Variants in CSNK2A2IP observed in about 807,000 individuals in gnomAD.
The protein encoded by CSNK2A2IP is casein kinase 2 subunit alpha' interacting protein.
the CSNK2A2IP span, among the ~76,000 whole-genome samples, chr3:88,430,055 C>A: frequency 6.6e-6 from 1 of 152,034 alleles, no homozygotes; most frequent in Non-Finnish European, 1.5e-5. Flanking sequence ...GCCACTGCGC[C>A]CGGCCGAGTA....
At chr3:88,397,019 G>T in the CSNK2A2IP span, among the ~76,000 whole-genome samples, 1 of 152,248 alleles carries the variant, frequency 6.6e-6, no homozygotes, top group East Asian at 1.9e-4. Flanking sequence ...TGTGCCAAAC[G>T]TATGACAGTG....
the CSNK2A2IP span, among the ~76,000 whole-genome samples, chr3:88,377,422 A>G: frequency 6.6e-6 from 1 of 151,638 alleles, no homozygotes; most frequent in Non-Finnish European, 1.5e-5. Flanking sequence ...CTGCTTCTCT[A>G]CATTTCTATC....
At chr3:88,432,253 C>T in the CSNK2A2IP span, among the ~76,000 whole-genome samples, 1 of 151,842 alleles carries the variant, frequency 6.6e-6, no homozygotes, top group South Asian at 2.1e-4. Flanking sequence ...TTTTAGGAAA[C>T]AATTTTAATT....
chr3:88,442,574 A>G, the CSNK2A2IP span, among the ~76,000 whole-genome samples: 1 of 152,122 alleles, frequency 6.6e-6, no homozygotes, highest in Non-Finnish European at 1.5e-5. Context: ...ATTATTGAAC[A>G]TTATACCAAA....
the CSNK2A2IP span, among the ~76,000 whole-genome samples, chr3:88,445,959 T>C: frequency 6.4e-4 from 77 of 120,502 alleles, 2 homozygotes; most frequent in Admixed American, 2.6e-3. Flanking sequence ...TCTCTCTCTC[T>C]CCCTCCCTCC....
At chr3:88,400,764 C>T in the CSNK2A2IP span, among the ~76,000 whole-genome samples, 2 of 152,152 alleles carry the variant, frequency 1.3e-5, no homozygotes. Flanking sequence ...CTGTGTTAGA[C>T]TTCTAGCCTA....
chr3:88,362,322 G>T, the CSNK2A2IP span, among the ~76,000 whole-genome samples: 2 of 152,160 alleles, frequency 1.3e-5, no homozygotes, highest in African/African-American at 4.8e-5. Context: ...CATCACTAGG[G>T]AGTGATCTAA....
the CSNK2A2IP span, among the ~76,000 whole-genome samples, chr3:88,432,445 T>C: frequency 2.9e-3 from 446 of 151,926 alleles, 2 homozygotes; most frequent in African/African-American, 0.01. Flanking sequence ...CTACTTTTAG[T>C]AATATTGTAT....
the CSNK2A2IP span, among the ~76,000 whole-genome samples, chr3:88,385,277 G>T: frequency 6.6e-6 from 1 of 151,910 alleles, no homozygotes; most frequent in Non-Finnish European, 1.5e-5. Context: ...GATATGGAAG[G>T]TGAGAGAGGA....
chr3:88,360,888 C>T, the CSNK2A2IP span, among the ~76,000 whole-genome samples: 1 of 151,968 alleles, frequency 6.6e-6, no homozygotes, highest in Non-Finnish European at 1.5e-5. Context: ...ACAAATAACA[C>T]TTATAACCAA....
the CSNK2A2IP span, among the ~76,000 whole-genome samples, chr3:88,389,842 A>G: frequency 6.8e-6 from 1 of 147,090 alleles, no homozygotes; most frequent in Non-Finnish European, 1.5e-5. Context: ...TTTTTTTTTT[A>G]ATTGGGGAGG....
At chr3:88,340,931 A>T in the CSNK2A2IP span, among the ~76,000 whole-genome samples, 2 of 151,970 alleles carry the variant, frequency 1.3e-5, no homozygotes, top group East Asian at 3.9e-4. Context: ...ATACATTAGA[A>T]TCAATGTTTG....
chr3:88,375,045 A>C, the CSNK2A2IP span, among the ~76,000 whole-genome samples: 4 of 151,700 alleles, frequency 2.6e-5, no homozygotes, highest in African/African-American at 7.2e-5. Context: ...AAGTAAAGGA[A>C]TAAGGTTTAA....
At chr3:88,462,066 C>T in the CSNK2A2IP span, among the ~76,000 whole-genome samples, 1 of 150,086 alleles carries the variant, frequency 6.7e-6, no homozygotes, top group Non-Finnish European at 1.5e-5. Flanking sequence ...ATTCCATTGC[C>T]TTTTTTTACC....
the CSNK2A2IP span, among the ~76,000 whole-genome samples, chr3:88,399,394 G>A: frequency 6.6e-6 from 1 of 152,100 alleles, no homozygotes; most frequent in Non-Finnish European, 1.5e-5. Flanking sequence ...TCCAGGATCA[G>A]TTGAAAAGAA....
the CSNK2A2IP span, among the ~76,000 whole-genome samples, chr3:88,341,772 C>T: frequency 4.3e-3 from 649 of 151,874 alleles, 4 homozygotes; most frequent in African/African-American, 0.015. Context: ...AATAAACTTT[C>T]GGAGAATCTG....
chr3:88,342,100 G>C, the CSNK2A2IP span, among the ~76,000 whole-genome samples: 1 of 151,840 alleles, frequency 6.6e-6, no homozygotes, highest in Non-Finnish European at 1.5e-5. Context: ...TTAGCAAGTA[G>C]TCTGGTATAG....
chr3:88,354,851 T>G, the CSNK2A2IP span, among the ~76,000 whole-genome samples: 1 of 152,146 alleles, frequency 6.6e-6, no homozygotes, highest in Admixed American at 6.5e-5. Context: ...ACTAAGGATG[T>G]GTGTAACTTC....
chr3:88,455,759 T>C, the CSNK2A2IP span, among the ~76,000 whole-genome samples: 6 of 152,074 alleles, frequency 3.9e-5, no homozygotes, highest in Non-Finnish European at 8.8e-5. Context: ...TGGCATCATA[T>C]AAAAAAATCA....
Sources: gnomAD v4.1 joint callset for allele counts (sites outside exome capture counted in the v4.1 genomes callset) on GRCh38, gnomAD v4.1.1 for gene constraint, MANE v1.5 for transcripts, NCBI Gene and HGNC (gene_info 2026-07-23, HGNC 2026-07-21) for gene names.